ADCYAP1: variants seen among roughly 807,000 people sequenced by gnomAD.
The protein encoded by ADCYAP1 is adenylate cyclase activating polypeptide 1, also known as pituitary adenylate cyclase-activating polypeptide.
ADCYAP1 carries 6 observed loss-of-function variants against 18.5 expected under a neutral mutation model. The ratio of observed to expected loss-of-function variants is 0.32; its 90% confidence interval spans 0.18 to 0.64. The LOEUF is 0.64. Ranked by LOEUF, ADCYAP1 falls within the 30% of genes least tolerant of loss-of-function variation. The pLI is 0.77. For synonymous variants in ADCYAP1, 136 were observed against 113.9 expected (o/e 1.19, Z -1.24); for missense variants, 314 against 253.6 (o/e 1.24, Z -1.62).
At chr18:905,623 C>T (rs1909139455) in intron 2 of ADCYAP1, 127 bp downstream of exon 2, 3 of 1,109,202 alleles carry the variant, frequency 2.7e-6, no homozygotes, top group South Asian at 1.6e-5. Context: ...CCCCGGTGCG[C>T]CTCCGCCAGC....
chr18:907,599 CTCG>C (rs1567853944), intron 2 of ADCYAP1, 57 bp from the exon 3 acceptor site: 77 of 1,524,056 alleles, frequency 5.1e-5, no homozygotes, highest in Non-Finnish European at 6.3e-5. Flanking sequence ...ACTTTGGATC[CTCG>C]CCGAGCTGGG....
At chr18:908,935 GT>G (rs1361004059) in intron 4 of ADCYAP1, among the ~76,000 whole-genome samples, 239 of 152,280 alleles carry the variant, frequency 1.6e-3, no homozygotes, top group African/African-American at 5.6e-3. Context: ...CCTACAGCCT[GT>G]CGACTTATAT....
In ADCYAP1 at chr18:904,994, A is replaced by T; in HGVS notation, c.-68A>T. 1 of 1,291,240 alleles carries T rather than the reference A, an allele frequency of 7.7e-7. No homozygotes were observed. Among genetic ancestry groups the T allele is most frequent in the Non-Finnish European group, 1.0e-6 (1 of 989,982 alleles). The allele number at this position is 1,291,240 out of a possible 1,614,324, so 80.0% of individuals were successfully genotyped here. A position where few individuals can be genotyped will look rare whatever the true frequency, so the allele number is the denominator to read the frequency against. ...TCTCGGGTGGTGACTCCAGCGCAGG[A>T]ACTTGAAGAAGCGCTTTGCCCGCCG... is the stretch of plus-strand genomic sequence containing the variant. On this transcript the variant is annotated 5_prime_UTR_variant, in exon 1 of 5. Transcript: ENST00000450565.
chr18:910,374 C>G lies in ADCYAP1; in HGVS notation c.*739C>G, dbSNP rs1909344901. The stretch of plus-strand genomic sequence containing the variant: ...ACAGCTCGATCCAAATTGTGCTTCT[C>G]CCCAGAATTCACGCCTCTCCCTAGG... On this transcript the variant is annotated 3_prime_UTR_variant, in exon 5 of 5. Transcript: ENST00000450565. The G allele has an allele frequency of 6.6e-6, 1 of 152,244 alleles. No individual in the cohort carries two copies. The highest frequency in any genetic ancestry group is 2.4e-5 in the African/African-American group (1 of 41,456). 9.4% of individuals were successfully genotyped at this position (152,244 alleles called of 1,614,324 possible). A position where few individuals can be genotyped will look rare whatever the true frequency, so the allele number is the denominator to read the frequency against.
chr18:905,156 G>T, intron 1 of ADCYAP1, 96 bp downstream of exon 1: 4 of 1,398,376 alleles, frequency 2.9e-6, no homozygotes, highest in Non-Finnish European at 3.7e-6. Context: ...TCCTTCAGCC[G>T]GGTCTGGCTA....
chr18:905,123 C>T, intron 1 of ADCYAP1, 63 bp downstream of exon 1: 1 of 1,369,852 alleles, frequency 7.3e-7, no homozygotes, highest in Non-Finnish European at 9.5e-7. Flanking sequence ...TTTCGCTTGG[C>T]ATCGCGTCAG....
rs35018620 is a variant in ADCYAP1 at position 909,873 on chromosome 18, AATATATATATATATATAT to A, written c.*254_*271del. On this transcript the variant is annotated 3_prime_UTR_variant, in exon 5 of 5. Coordinates refer to ENST00000450565, the MANE Select transcript of ADCYAP1 (RefSeq NM_001099733.2). ...ATATATATTATAAATATATATAAAGAATATATATATATATATATATATATATATATATAAAGTATAGAG... is the reference window on the plus strand; with the variant it reads ...ATATATATTATAAATATATATAAAGAATATATATATATATAAAGTATAGAG... 291 of 143,458 alleles carry A rather than the reference AATATATATATATATATAT, an allele frequency of 2.0e-3. No individual in the cohort carries two copies. Among genetic ancestry groups the A allele is most frequent in the African/African-American group, 6.9e-3 (272 of 39,350 alleles). The allele number at this position is 143,458 out of a possible 1,614,324, so 8.9% of individuals were successfully genotyped here.
intron 2 of ADCYAP1, chr18:906,342 T>G (rs2846586): frequency 1.3e-5 from 2 of 152,090 alleles, no homozygotes; most frequent in African/African-American, 4.8e-5. Context: ...GGATGAGCCC[T>G]GGGTAGGGGA....
At chr18:905,549 C>T (rs1386472815) in intron 2 of ADCYAP1, 53 bp downstream of exon 2, 2 of 1,584,714 alleles carry the variant, frequency 1.3e-6, no homozygotes, top group Non-Finnish European at 1.7e-6. Context: ...CAGGCACAGA[C>T]GCTTCCTCAC....
chr18:911,373 T>TTA lies in ADCYAP1; in HGVS notation c.*1739_*1740insAT, dbSNP rs1224287202. On this transcript the variant is annotated 3_prime_UTR_variant, in exon 5 of 5. Coordinates refer to ENST00000450565, the MANE Select transcript of ADCYAP1 (RefSeq NM_001099733.2). ...CTCCCAAATTTCAGGCACAAGTTTA[T>TTA]TTATTTATTTTTTTATGTTTTGAAA... 4.1e-4 allele frequency: 11 copies of TTA among 26,874 alleles called. No homozygotes were observed. The Admixed American group carries it at 6.0e-3, about 15-fold the overall frequency. The allele number at this position is 26,874 out of a possible 1,614,324, so 1.7% of individuals were successfully genotyped here. A position where few individuals can be genotyped will look rare whatever the true frequency, so the allele number is the denominator to read the frequency against.
Position 911,686 on chromosome 18 carries a change from G to A in ADCYAP1, c.*2051G>A, listed in dbSNP as rs1460418730. 1 of 152,184 alleles carries A rather than the reference G, an allele frequency of 6.6e-6. No individual in the cohort carries two copies. The highest frequency in any genetic ancestry group is 1.5e-5 in the Non-Finnish European group (1 of 68,040). 9.4% of individuals were successfully genotyped at this position (152,184 alleles called of 1,614,324 possible). On this transcript the variant is annotated 3_prime_UTR_variant, in exon 5 of 5. Transcript: ENST00000450565. ...GGCAATGTGACACGGGATGCAGTTT[G>A]CAGCTTTAGTGCCTTTCTTCGCCTT...
intron 2 of ADCYAP1, 40 bp downstream of exon 2, chr18:905,536 T>TC (rs924669214): frequency 1.3e-6 from 2 of 1,599,090 alleles, no homozygotes; most frequent in Admixed American, 3.3e-5. Context: ...AGCTGGGGCT[T>TC]CCCAGGCACA....
At chr18:907,937 G>A in intron 3 of ADCYAP1, 147 bp downstream of exon 3, 1 of 1,327,338 alleles carries the variant, frequency 7.5e-7, no homozygotes. Flanking sequence ...CGATCCTATT[G>A]CAGCGACAGA....
At chr18:908,452 G>A in intron 4 of ADCYAP1, 89 bp downstream of exon 4, 1 of 1,129,742 alleles carries the variant, frequency 8.9e-7, no homozygotes, top group Non-Finnish European at 1.3e-6. Context: ...GTGCCCGTGG[G>A]GGCCAGGGTG....
At chr18:904,701 C>T (rs1303355239), upstream of ADCYAP1, 13 of 1,220,238 alleles carry the variant, frequency 1.1e-5, 1 homozygote, top group South Asian at 1.9e-4. Flanking sequence ...TTCTGACTTT[C>T]CCTCTTTCCC....
rs1217655210 is a variant in ADCYAP1, at chr18:905,403, G to C, written c.17G>C (p.Gly6Ala). ...CTGCGCAGAATGACCATGTGTAGCG[G>C]AGCGAGGCTGGCCCTGCTGGTCTAT... is the stretch of plus-strand genomic sequence containing the variant. The part of the protein sequence containing the change: MTMCS[G>A]ARLALLVYGI... The change falls in exon 2 of 5, where the codon GGA (glycine) becomes GCA (alanine). Residue 6 changes from glycine (G) to alanine (A), a missense_variant. Physicochemically the swap from Gly to Ala is moderately conservative, Grantham distance 60. Coordinates refer to ENST00000450565, the MANE Select transcript of ADCYAP1 (RefSeq NM_001099733.2). 6.2e-7 allele frequency: 1 copy of C among 1,613,130 alleles called. No homozygotes were observed. The highest frequency in any genetic ancestry group is 1.3e-5 in the African/African-American group (1 of 75,042).
At position 904,880 on chromosome 18, in the gene ADCYAP1, G is replaced by A. The variant is rs984814929; in HGVS notation, c.-182G>A. The stretch of plus-strand genomic sequence containing the variant: ...CTACAAACTTTTGAGCAGAACACGA[G>A]CCTCGGCAAACGAGTCCCGCAGCTC... On this transcript the variant is annotated 5_prime_UTR_variant, in exon 1 of 5. Transcript: ENST00000450565. 1.2e-5 allele frequency: 15 copies of A among 1,288,052 alleles called. No homozygotes were observed. In the African/African-American group the frequency reaches 2.1e-4, roughly 18 times the overall value. The allele number at this position is 1,288,052 out of a possible 1,614,324, so 79.8% of individuals were successfully genotyped here.
rs1567854530 is a variant in ADCYAP1 at position 908,304 on chromosome 18, AG to A, written c.283del (p.Val95CysfsTer64). 6.2e-7 allele frequency: 1 copy of A among 1,613,058 alleles called. No homozygotes were observed. The highest frequency in any genetic ancestry group is 1.1e-5 in the South Asian group (1 of 90,864). Reference sequence around the variant, plus strand: ...GGATCCTTAACGAGGCCTACCGCAAAGTGCTGGACCAGCTGTCCGCCGGGAA... The same window carrying A: ...GGATCCTTAACGAGGCCTACCGCAAATGCTGGACCAGCTGTCCGCCGGGAA... The part of the protein sequence containing the change: ...HGILNEAYRK[V>X]LDQLSAGKHL... On this transcript the variant is annotated frameshift_variant, in exon 4 of 5. Coordinates refer to ENST00000450565, the MANE Select transcript of ADCYAP1 (RefSeq NM_001099733.2). LOFTEE classifies it high-confidence loss of function.
chr18:908,078 C>T (rs1255945322), intron 3 of ADCYAP1, 187 bp from the exon 4 acceptor site: 1 of 666,156 alleles, frequency 1.5e-6, no homozygotes, highest in African/African-American at 1.9e-5. Flanking sequence ...AGAGCCGGGA[C>T]TAGCTCCCGA....
Sources: gnomAD v4.1 joint callset for allele counts (sites outside exome capture counted in the v4.1 genomes callset) on GRCh38, gnomAD v4.1.1 for gene constraint, MANE v1.5 for transcripts, NCBI Gene and HGNC (gene_info 2026-07-23, HGNC 2026-07-21) for gene names.